The following RBPMS variants were observed in gnomAD, a reference collection of about 807,000 sequenced individuals.
RBPMS encodes RNA binding protein, mRNA processing factor, also known as RNA-binding protein with multiple splicing.
In RBPMS, 7 loss-of-function variants were observed where a neutral mutation model predicts 26.8. The ratio of observed to expected loss-of-function variants is 0.26; its 90% CI spans 0.15 to 0.49. RBPMS has a LOEUF of 0.49. Among genes scored for constraint, RBPMS ranks in the 20% least tolerant of loss-of-function variants. The probability of loss-of-function intolerance (pLI) is 0.98; values close to 1 mark genes in which losing one functional copy is unlikely to be tolerated. For synonymous variants in RBPMS, 96 were observed against 93.3 expected (o/e 1.03, Z -0.17); for missense variants, 186 against 250.0 (o/e 0.74, Z 1.73).
At chr8:30,531,976 TAAG>T (rs772831141) in intron 5 of RBPMS, among the ~76,000 whole-genome samples, 1 of 152,148 alleles carries the variant, frequency 6.6e-6, no homozygotes, top group Non-Finnish European at 1.5e-5. Context: ...TTAATAAAGT[TAAG>T]TAGATTTTTT....
chr8:30,531,692 C>A (rs560514163), intron 5 of RBPMS, among the ~76,000 whole-genome samples: 2 of 152,296 alleles, frequency 1.3e-5, no homozygotes, highest in East Asian at 1.9e-4. Flanking sequence ...GTTTATCTTA[C>A]CGGAAAGTCA....
chr8:30,491,144 T>C (rs1819347859), intron 4 of RBPMS, among the ~76,000 whole-genome samples: 2 of 152,328 alleles, frequency 1.3e-5, no homozygotes, highest in Admixed American at 6.5e-5. Context: ...ATTAATTTAG[T>C]ATATGGTATT....
chr8:30,494,892 G>A (rs1819766191), intron 4 of RBPMS, among the ~76,000 whole-genome samples: 3 of 152,152 alleles, frequency 2.0e-5, no homozygotes, highest in South Asian at 2.1e-4. Flanking sequence ...ACAATGTATT[G>A]TTTTCACCAT....
intron 5 of RBPMS, among the ~76,000 whole-genome samples, chr8:30,518,144 ACT>A (rs1343147148): frequency 6.6e-6 from 1 of 152,102 alleles, no homozygotes; most frequent in African/African-American, 2.4e-5. Context: ...GAATAGGCAA[ACT>A]CTGATAAAGG....
chr8:30,451,233 T>G (rs920192545), intron 1 of RBPMS, among the ~76,000 whole-genome samples: 3 of 152,192 alleles, frequency 2.0e-5, no homozygotes, highest in Non-Finnish European at 2.9e-5. Context: ...TTCAATGCCC[T>G]GAGACTTTTC....
At chr8:30,549,510 G>A (rs776636051) in intron 6 of RBPMS, 1 of 1,613,604 alleles carries the variant, frequency 6.2e-7, no homozygotes, top group Non-Finnish European at 8.5e-7. Flanking sequence ...CTCTGTGAAG[G>A]TCAGACTGTG....
chr8:30,544,755 C>T (rs778780179), intron 6 of RBPMS, 131 bp downstream of exon 6: 2 of 1,598,902 alleles, frequency 1.3e-6, no homozygotes, highest in Non-Finnish European at 1.7e-6. Flanking sequence ...TTAATGATCC[C>T]CTCTAAATCA....
intron 7 of RBPMS, among the ~76,000 whole-genome samples, chr8:30,563,465 T>C (rs1002542385): frequency 6.6e-6 from 1 of 152,176 alleles, no homozygotes; most frequent in South Asian, 2.1e-4. Context: ...GAACTGTTCT[T>C]GAAAGGGAAG....
chr8:30,445,262 G>A (rs2150722828), intron 1 of RBPMS: 2 of 152,200 alleles, frequency 1.3e-5, no homozygotes, highest in Non-Finnish European at 1.5e-5. Flanking sequence ...GACAATGTGG[G>A]AATGCATGAA....
At chr8:30,556,263 T>C (rs1296026740) in intron 6 of RBPMS, 2 of 985,304 alleles carry the variant, frequency 2.0e-6, no homozygotes, top group African/African-American at 1.7e-5. Context: ...CAGCCTCCCC[T>C]GGACCCCACA....
Position 30,512,278 on chromosome 8 carries a change from TTTTG to T in RBPMS, c.397+7846_397+7849del, listed in dbSNP as rs779775978. 1.1e-4 allele frequency among the ~76,000 whole-genome samples: 17 copies of T among 152,270 alleles called. No homozygotes were observed. The South Asian group carries it at 1.5e-3, about 13-fold the overall frequency. On this transcript the variant is annotated intron_variant, in intron 5 of 8. Coordinates refer to ENST00000397323, the MANE Select transcript of RBPMS (RefSeq NM_001008710.3). ...TATTTGTTTGTGTATGCTTTTTTGTTTTTGTTTATTTTATACATAAATATCTATG... is the reference window on the plus strand; with the variant it reads ...TATTTGTTTGTGTATGCTTTTTTGTTTTTATTTTATACATAAATATCTATG...
intron 4 of RBPMS, among the ~76,000 whole-genome samples, chr8:30,481,606 A>G (rs1818289218): frequency 6.6e-6 from 1 of 151,938 alleles, no homozygotes; most frequent in Non-Finnish European, 1.5e-5. Context: ...TTAATCATTA[A>G]TAGTTTGCTA....
At chr8:30,455,795 C>G (rs779423129) in intron 1 of RBPMS, among the ~76,000 whole-genome samples, 2 of 152,082 alleles carry the variant, frequency 1.3e-5, no homozygotes, top group African/African-American at 4.8e-5. Context: ...GAGGCTGAGT[C>G]GGGAGAATGG....
At chr8:30,498,744 G>A (rs753797205) in intron 4 of RBPMS, among the ~76,000 whole-genome samples, 1 of 152,170 alleles carries the variant, frequency 6.6e-6, no homozygotes, top group Non-Finnish European at 1.5e-5. Context: ...TAGATAATGA[G>A]AGCTAGGATT....
chr8:30,547,363 T>A, intron 6 of RBPMS: 1 of 1,613,926 alleles, frequency 6.2e-7, no homozygotes, highest in Non-Finnish European at 8.5e-7. Context: ...GATTTGTCTC[T>A]GGGAATGTGT....
chr8:30,387,717 G>C (rs1807278127), intron 1 of RBPMS, among the ~76,000 whole-genome samples: 1 of 152,200 alleles, frequency 6.6e-6, no homozygotes, highest in African/African-American at 2.4e-5. Flanking sequence ...CAGATCATGA[G>C]GGTGGTTTGG....
chr8:30,558,774 T>G lies in RBPMS; in HGVS notation c.529-113T>G, dbSNP rs749482017. ...GGGAAGAGGCCCTCACAGGCTAGTG[T>G]GAGTGGGTACCATCTTGGAACAGTA... On this transcript the variant is annotated intron_variant, in intron 6 of 8. Transcript: ENST00000397323. 203 of 884,568 alleles carry G rather than the reference T, an allele frequency of 2.3e-4. 1 individual carries two copies. Among genetic ancestry groups the G allele is most frequent in the Non-Finnish European group, 3.3e-4 (177 of 532,780 alleles). 54.8% of individuals were successfully genotyped at this position (884,568 alleles called of 1,614,324 possible). A position where few individuals can be genotyped will look rare whatever the true frequency, so the allele number is the denominator to read the frequency against.
chr8:30,467,308 T>A lies in RBPMS; in HGVS notation c.67-7471T>A, dbSNP rs1184077391. Among the ~76,000 whole-genome samples, 3 of 152,196 alleles carry A rather than the reference T, an allele frequency of 2.0e-5. No homozygotes were observed. The East Asian group carries it at 5.8e-4, about 29-fold the overall frequency. On this transcript the variant is annotated intron_variant, in intron 1 of 8. Transcript: ENST00000397323. ...AGCTCATGGTTACAAAGTTAACAAA[T>A]AACTTAATAGATTATTTAAAAAGAG... is the stretch of plus-strand genomic sequence containing the variant.
At chr8:30,434,216 G>A (rs1283475564) in intron 1 of RBPMS, among the ~76,000 whole-genome samples, 4 of 152,146 alleles carry the variant, frequency 2.6e-5, no homozygotes, top group Non-Finnish European at 4.4e-5. Context: ...ACACTAGATA[G>A]TCTCTAAGCA....
Sources: gnomAD v4.1 joint callset for allele counts (sites outside exome capture counted in the v4.1 genomes callset) on GRCh38, gnomAD v4.1.1 for gene constraint, MANE v1.5 for transcripts, NCBI Gene and HGNC (gene_info 2026-07-23, HGNC 2026-07-21) for gene names.